Variants in ASIC2 observed in about 807,000 individuals in gnomAD.
The protein encoded by ASIC2 is acid-sensing ion channel 2.
A neutral mutation model predicts 57.3 loss-of-function variants in ASIC2; 25 were observed. That is an observed-to-expected ratio of 0.44 (90% CI 0.32 to 0.61). The LOEUF (loss-of-function observed/expected upper bound fraction) is 0.61, where lower values mean the gene tolerates loss of function less well. ASIC2 is among the 20% of genes least tolerant of loss of function. The pLI, the probability that ASIC2 is intolerant of heterozygous loss-of-function variation, is 0.06. For missense variants in ASIC2, 641 were observed against 738.1 expected (o/e 0.87, Z 1.52); for synonymous variants, 319 against 307.5 (o/e 1.04, Z -0.39).
chr17:33,358,978 G>T (rs1049081084), intron 1 of ASIC2, among the ~76,000 whole-genome samples: 3 of 152,180 alleles, frequency 2.0e-5, no homozygotes, highest in Non-Finnish European at 4.4e-5. Context: ...TTTTAGAAAG[G>T]TTCCTTAAAT....
At chr17:33,354,558 C>T (rs1256074936) in intron 1 of ASIC2, among the ~76,000 whole-genome samples, 1 of 152,074 alleles carries the variant, frequency 6.6e-6, no homozygotes, top group Non-Finnish European at 1.5e-5. Context: ...CCATGGCTTC[C>T]TGCTTGCTCT....
At chr17:33,366,589 C>T (rs1413270638) in intron 1 of ASIC2, among the ~76,000 whole-genome samples, 1 of 152,222 alleles carries the variant, frequency 6.6e-6, no homozygotes, top group Non-Finnish European at 1.5e-5. Flanking sequence ...CTTATCCTCC[C>T]ATGGCTTGCA....
chr17:33,522,616 A>G lies in ASIC2; in HGVS notation c.556-410549T>C, dbSNP rs561325021. Among the ~76,000 whole-genome samples, 167 of 152,346 alleles carry G rather than the reference A, an allele frequency of 1.1e-3. 1 individual carries two copies. Among genetic ancestry groups the G allele is most frequent in the African/African-American group, 3.9e-3 (162 of 41,580 alleles). On this transcript the variant is annotated intron_variant, in intron 1 of 9. Coordinates refer to the ASIC2 transcript ENST00000359872. ...GGTGCTAAGTGAGAGGACGCAGTAA[A>G]GAGTCCCTCACAGGACTCAGTGACT...
intron 1 of ASIC2, among the ~76,000 whole-genome samples, chr17:33,981,688 A>C (rs576762571): frequency 6.7e-6 from 1 of 148,646 alleles, no homozygotes; most frequent in East Asian, 2.1e-4. Flanking sequence ...GGAAGGAAGG[A>C]AAGAAGGGAG....
At chr17:33,134,917 A>C (rs114546085) in intron 1 of ASIC2, among the ~76,000 whole-genome samples, 1 of 152,220 alleles carries the variant, frequency 6.6e-6, no homozygotes, top group Non-Finnish European at 1.5e-5. Flanking sequence ...ACCAGCATCA[A>C]CTAAGTCAGA....
chr17:33,786,004 A>G (rs1911590364), intron 1 of ASIC2, among the ~76,000 whole-genome samples: 1 of 152,182 alleles, frequency 6.6e-6, no homozygotes, highest in African/African-American at 2.4e-5. Flanking sequence ...CCATTCTCCC[A>G]GTGTGGAAAC....
At chr17:33,986,849 G>A (rs1905836671) in intron 1 of ASIC2, among the ~76,000 whole-genome samples, 1 of 152,114 alleles carries the variant, frequency 6.6e-6, no homozygotes, top group Non-Finnish European at 1.5e-5. Context: ...ATGCCTTGAA[G>A]CTCATATACT....
chr17:34,081,688 A>C (rs2142079052), intron 1 of ASIC2, among the ~76,000 whole-genome samples: 1 of 152,298 alleles, frequency 6.6e-6, no homozygotes, highest in Admixed American at 6.5e-5. Context: ...AATTTGCTCT[A>C]TCTTTTCCCA....
intron 1 of ASIC2, among the ~76,000 whole-genome samples, chr17:34,049,533 CTCCT>C (rs1908467963): frequency 1.3e-5 from 2 of 152,248 alleles, no homozygotes; most frequent in South Asian, 4.1e-4. Context: ...TGGCTCCAAA[CTCCT>C]CCATGATCAA....
At chr17:33,254,585 C>G (rs547483956) in intron 1 of ASIC2, among the ~76,000 whole-genome samples, 1 of 152,188 alleles carries the variant, frequency 6.6e-6, no homozygotes, top group Admixed American at 6.6e-5. Flanking sequence ...ACCTATTTCC[C>G]CTCTTCTCCA....
At chr17:33,110,995 C>T (rs2092255915) in intron 2 of ASIC2, among the ~76,000 whole-genome samples, 1 of 152,290 alleles carries the variant, frequency 6.6e-6, no homozygotes, top group South Asian at 2.1e-4. Context: ...TCCATGGTTC[C>T]CAGTCTTGGG....
intron 2 of ASIC2, among the ~76,000 whole-genome samples, chr17:33,094,166 C>T (rs1462212767): frequency 2.6e-5 from 4 of 152,220 alleles, no homozygotes; most frequent in Non-Finnish European, 5.9e-5. Context: ...TTGATGGACT[C>T]TGTTGCCCTC....
intron 1 of ASIC2, among the ~76,000 whole-genome samples, chr17:33,787,851 G>T (rs994564415): frequency 6.6e-6 from 1 of 152,098 alleles, no homozygotes; most frequent in African/African-American, 2.4e-5. Context: ...TTATGGGGGT[G>T]GATTTTTCAT....
rs1473731976 is a variant in ASIC2, at chr17:33,514,912, A to G, written c.556-402845T>C. On this transcript the variant is annotated intron_variant, in intron 1 of 9. Coordinates refer to the ASIC2 transcript ENST00000359872. ...GGAGTCATCCCGTGTTATCCCCTGG[A>G]AGCAGGACCTCGGTCCTTTCTCCCA... 2.0e-5 allele frequency among the ~76,000 whole-genome samples: 3 copies of G among 152,148 alleles called. No homozygotes were observed. In the East Asian group the frequency reaches 5.8e-4, roughly 29 times the overall value.
intron 1 of ASIC2, among the ~76,000 whole-genome samples, chr17:33,753,191 A>G (rs1910486612): frequency 6.6e-6 from 1 of 152,252 alleles, no homozygotes; most frequent in South Asian, 2.1e-4. Flanking sequence ...TGCTAAGTGA[A>G]AGAAATCCAT....
intron 1 of ASIC2, among the ~76,000 whole-genome samples, chr17:33,383,293 G>A (rs149481749): frequency 3.2e-4 from 48 of 152,234 alleles, no homozygotes; most frequent in Non-Finnish European, 4.3e-4. Context: ...GGCCATGTTG[G>A]GATTGCCTTT....
At chr17:33,097,503 A>G (rs892280827) in intron 2 of ASIC2, among the ~76,000 whole-genome samples, 4 of 151,996 alleles carry the variant, frequency 2.6e-5, no homozygotes, top group Non-Finnish European at 5.9e-5. Flanking sequence ...CTAACTTTTC[A>G]CCTTTCAGAT....
intron 1 of ASIC2, among the ~76,000 whole-genome samples, chr17:33,693,289 G>T (rs1908429738): frequency 1.3e-5 from 2 of 151,746 alleles, no homozygotes; most frequent in Admixed American, 1.3e-4. Context: ...ATTTAGTACT[G>T]CATTAAATTT....
chr17:33,402,610 C>T (rs979524903), intron 1 of ASIC2, among the ~76,000 whole-genome samples: 1 of 152,162 alleles, frequency 6.6e-6, no homozygotes. Context: ...CTGAAAAGGA[C>T]ATGATCTCAC....
Sources: gnomAD v4.1 joint callset for allele counts (sites outside exome capture counted in the v4.1 genomes callset) on GRCh38, gnomAD v4.1.1 for gene constraint, MANE v1.5 for transcripts, NCBI Gene and HGNC (gene_info 2026-07-23, HGNC 2026-07-21) for gene names.